SPMIP3: variants seen among roughly 807,000 people sequenced by gnomAD.
The protein encoded by SPMIP3 is sperm microtubule inner protein 3.
the SPMIP3 span, among the ~76,000 whole-genome samples, chr1:244,352,914 C>T: frequency 6.6e-6 from 1 of 152,228 alleles, no homozygotes; most frequent in Non-Finnish European, 1.5e-5. Context: ...ACTCATCTCT[C>T]TCAACTTTGA....
the SPMIP3 span, among the ~76,000 whole-genome samples, chr1:244,353,228 T>G: frequency 6.6e-6 from 1 of 152,144 alleles, no homozygotes; most frequent in African/African-American, 2.4e-5. Flanking sequence ...ACATTTTACC[T>G]GAAGAGACAA....
the SPMIP3 span, among the ~76,000 whole-genome samples, chr1:244,373,238 T>C: frequency 1.3e-5 from 2 of 149,696 alleles, no homozygotes; most frequent in South Asian, 2.1e-4. Context: ...TTTTCCACAT[T>C]GCCATCAAAA....
At chr1:244,375,541 G>A in the SPMIP3 span, 266 of 1,145,506 alleles carry the variant, frequency 2.3e-4, no homozygotes, top group African/African-American at 3.6e-3. Flanking sequence ...TCGGCGGGGG[G>A]AAGATACACT....
chr1:244,373,161 A>G, the SPMIP3 span, among the ~76,000 whole-genome samples: 2 of 151,420 alleles, frequency 1.3e-5, no homozygotes, highest in Non-Finnish European at 2.9e-5. Context: ...CGGGAGAATC[A>G]CTTGAGCCCA....
At chr1:244,353,412 A>G in the SPMIP3 span, among the ~76,000 whole-genome samples, 1 of 152,172 alleles carries the variant, frequency 6.6e-6, no homozygotes. Flanking sequence ...AACAACAACA[A>G]AAAACCCAGA....
the SPMIP3 span, among the ~76,000 whole-genome samples, chr1:244,382,600 G>GTTTTTTTTTTTTTTTTTTT: frequency 9.4e-6 from 1 of 106,072 alleles, no homozygotes; most frequent in Admixed American, 1.3e-4. Flanking sequence ...TCTGGCTGCT[G>GTTTTTTTTTTTTTTTTTTT]TTTTTTTTTT....
chr1:244,364,213 T>A, the SPMIP3 span, among the ~76,000 whole-genome samples: 2 of 152,036 alleles, frequency 1.3e-5, no homozygotes, highest in African/African-American at 4.8e-5. Flanking sequence ...CACACCATTC[T>A]CCTGGCTCAG....
the SPMIP3 span, among the ~76,000 whole-genome samples, chr1:244,361,693 C>T: frequency 6.6e-6 from 1 of 152,156 alleles, no homozygotes; most frequent in Non-Finnish European, 1.5e-5. Flanking sequence ...ACATACATCT[C>T]TTATATATCT....
the SPMIP3 span, chr1:244,364,557 C>A: frequency 1.3e-6 from 1 of 760,156 alleles, no homozygotes; most frequent in South Asian, 1.6e-5. Flanking sequence ...AGCCTATATG[C>A]ATAGTCCTTC....
the SPMIP3 span, among the ~76,000 whole-genome samples, chr1:244,360,445 T>C: frequency 1.3e-5 from 2 of 150,292 alleles, no homozygotes; most frequent in East Asian, 2.0e-4. Context: ...CTATTCACAA[T>C]AGCCAAGCTA....
chr1:244,365,779 G>A, the SPMIP3 span, among the ~76,000 whole-genome samples: 1 of 152,096 alleles, frequency 6.6e-6, no homozygotes, highest in South Asian at 2.1e-4. Context: ...ATTGGTTTTT[G>A]CTTGGGAAGA....
At chr1:244,385,614 C>T in the SPMIP3 span, among the ~76,000 whole-genome samples, 5 of 152,030 alleles carry the variant, frequency 3.3e-5, no homozygotes, top group African/African-American at 4.8e-5. Flanking sequence ...TTCTCACCTG[C>T]GAAAAGCATA....
At chr1:244,365,309 C>T in the SPMIP3 span, among the ~76,000 whole-genome samples, 1,268 of 152,266 alleles carry the variant, frequency 8.3e-3, 17 homozygotes, top group African/African-American at 0.029. Flanking sequence ...ATAATTCCTA[C>T]GTGTCGTGGG....
chr1:244,382,548 G>C, the SPMIP3 span, among the ~76,000 whole-genome samples: 2 of 150,792 alleles, frequency 1.3e-5, no homozygotes, highest in Non-Finnish European at 3.0e-5. Flanking sequence ...ATTTTTAACA[G>C]AAGAGTGGCA....
At chr1:244,373,417 C>T in the SPMIP3 span, among the ~76,000 whole-genome samples, 1 of 145,710 alleles carries the variant, frequency 6.9e-6, no homozygotes, top group East Asian at 2.1e-4. Flanking sequence ...ACAGGAGGAT[C>T]TCTGGATCCC....
the SPMIP3 span, among the ~76,000 whole-genome samples, chr1:244,374,445 A>G: frequency 6.6e-6 from 1 of 152,210 alleles, no homozygotes; most frequent in Non-Finnish European, 1.5e-5. Context: ...GTTAAAAAAA[A>G]GATGAAATTT....
chr1:244,354,303 G>C, the SPMIP3 span, among the ~76,000 whole-genome samples: 4 of 151,036 alleles, frequency 2.6e-5, no homozygotes, highest in Admixed American at 1.3e-4. Context: ...AATTTGCTAA[G>C]TAACTGTTAC....
the SPMIP3 span, chr1:244,389,354 G>C: frequency 1.0e-5 from 2 of 197,854 alleles, no homozygotes; most frequent in Non-Finnish European, 2.1e-5. Flanking sequence ...CAGGTAAGAA[G>C]ATCATTGTGT....
At chr1:244,364,865 G>C in the SPMIP3 span, 3,677 of 1,126,328 alleles carry the variant, frequency 3.3e-3, 25 homozygotes, top group South Asian at 7.8e-3. Flanking sequence ...ACTACTGCCA[G>C]GGAGTTCTAG....
Sources: gnomAD v4.1 joint callset for allele counts (sites outside exome capture counted in the v4.1 genomes callset) on GRCh38, gnomAD v4.1.1 for gene constraint, MANE v1.5 for transcripts, NCBI Gene and HGNC (gene_info 2026-07-23, HGNC 2026-07-21) for gene names.